Variants in TENM4 observed in about 807,000 individuals in gnomAD.
The protein encoded by TENM4 is teneurin transmembrane protein 4, also known as teneurin-4.
In TENM4, 82 loss-of-function variants were observed where a neutral mutation model predicts 243.3. The observed-to-expected ratio is 0.34, with a 90% CI of 0.28 to 0.40. The LOEUF is 0.40. TENM4 is among the 10% of genes least tolerant of loss of function. The probability of loss-of-function intolerance (pLI) is 1.00; values close to 1 mark genes in which losing one functional copy is unlikely to be tolerated. For synonymous variants in TENM4, 1,412 were observed against 1,456.3 expected, an observed-to-expected ratio of 0.97 and a Z score of 0.69; for missense variants, 3,138 against 3,673.3, an observed-to-expected ratio of 0.85 and a Z score of 3.77.
intron 16 of TENM4, among the ~76,000 whole-genome samples, chr11:78,781,782 T>C (rs1856843133): frequency 1.3e-5 from 2 of 152,160 alleles, no homozygotes; most frequent in African/African-American, 4.8e-5. Context: ...TTCTTTCGGA[T>C]GGGTGACAAA....
intron 18 of TENM4, among the ~76,000 whole-genome samples, chr11:78,767,901 C>T (rs1485056625): frequency 6.6e-6 from 1 of 152,212 alleles, no homozygotes; most frequent in East Asian, 1.9e-4. Flanking sequence ...AAGACTGGGC[C>T]ATGTTCACTG....
rs567965238 is a variant in TENM4, at chr11:78,760,728, A to G, written c.2540-3707T>C. On this transcript the variant is annotated intron_variant, in intron 18 of 33. Transcript: ENST00000278550. ...AATATCCTCCTCTCCCTTTCTCTCT[A>G]GTCTTCAGGAAATTAACTACTAAAT... 3.3e-5 allele frequency among the ~76,000 whole-genome samples: 5 copies of G among 152,270 alleles called. No individual in the cohort carries two copies. The South Asian group carries it at 1.0e-3, about 32-fold the overall frequency.
intron 2 of TENM4, among the ~76,000 whole-genome samples, chr11:79,285,098 C>T (rs960397447): frequency 6.6e-6 from 1 of 151,956 alleles, no homozygotes; most frequent in Non-Finnish European, 1.5e-5. Context: ...ATTAGCTGGG[C>T]ATGGTGGTGG....
chr11:79,299,099 T>C (rs572707877), intron 1 of TENM4, among the ~76,000 whole-genome samples: 27 of 148,832 alleles, frequency 1.8e-4, no homozygotes, highest in Middle Eastern at 3.4e-3. Flanking sequence ...CACACACACA[T>C]ACATACACAC....
intron 6 of TENM4, among the ~76,000 whole-genome samples, chr11:78,963,016 AT>A (rs1378889127): frequency 3.3e-5 from 5 of 152,214 alleles, no homozygotes; most frequent in African/African-American, 1.2e-4. Flanking sequence ...CCCTTAGGAA[AT>A]TTTGTTCATG....
At chr11:79,138,408 AAAATATATATTATATTATATAT>A (rs1451896146) in intron 4 of TENM4, among the ~76,000 whole-genome samples, 2 of 116,794 alleles carry the variant, frequency 1.7e-5, no homozygotes, top group African/African-American at 6.9e-5. Context: ...ATATATAAAT[AAAATATATATTATATTATATAT>A]AAATATATAT....
intron 3 of TENM4, among the ~76,000 whole-genome samples, chr11:79,194,174 C>A (rs898210388): frequency 6.6e-6 from 1 of 151,954 alleles, no homozygotes; most frequent in African/African-American, 2.4e-5. Flanking sequence ...CCTTTTGCCT[C>A]CCACCATGAT....
At chr11:78,965,715 C>T (rs922836124) in intron 6 of TENM4, among the ~76,000 whole-genome samples, 13 of 152,224 alleles carry the variant, frequency 8.5e-5, no homozygotes, top group Non-Finnish European at 1.9e-4. Context: ...ATTCCCTGGT[C>T]TCTCCTCTGG....
rs771901691 is a variant in TENM4, at chr11:78,889,918, G to A, written c.951C>T (p.Pro317=). ...GCCGGGCGAAGGTGCTGCGGGGCAGGGGTCGGGGCGGAGGAGAGTACACTG... is the reference window on the plus strand; with the variant it reads ...GCCGGGCGAAGGTGCTGCGGGGCAGAGGTCGGGGCGGAGGAGAGTACACTG... The part of the protein sequence containing the change: ...SSTVYSPPPR[P]LPRSTFARPA... The change falls in exon 9 of 34, where the codon CCC becomes CCT. Residue 317 remains proline (P), a synonymous_variant. Coordinates refer to ENST00000278550, the MANE Select transcript of TENM4 (RefSeq NM_001098816.3). 3 of 1,551,746 alleles carry A rather than the reference G, an allele frequency of 1.9e-6. No individual in the cohort carries two copies. The South Asian group carries it at 3.6e-5, about 18-fold the overall frequency.
chr11:79,195,226 G>A (rs1344375107), intron 3 of TENM4, among the ~76,000 whole-genome samples: 1 of 152,234 alleles, frequency 6.6e-6, no homozygotes, highest in East Asian at 1.9e-4. Flanking sequence ...GGGCTTTCAT[G>A]GAGAACCTCT....
At chr11:79,362,697 C>A (rs948405677) in intron 1 of TENM4, among the ~76,000 whole-genome samples, 3 of 152,154 alleles carry the variant, frequency 2.0e-5, no homozygotes, top group Non-Finnish European at 4.4e-5. Flanking sequence ...AGGTTCAAGT[C>A]CTATTCTACT....
rs145116361 is a variant in TENM4 at position 78,673,748 on chromosome 11, C to T, written c.5497-1419G>A. On this transcript the variant is annotated intron_variant, in intron 30 of 33. Coordinates refer to ENST00000278550, the MANE Select transcript of TENM4 (RefSeq NM_001098816.3). ...TTTCCATTAAATGACAGCAAACGAT[C>T]GTGGTCATATCCCAGGAAGGAGAGA... 7.3e-3 allele frequency among the ~76,000 whole-genome samples: 1,105 copies of T among 152,332 alleles called. 15 individuals carry two copies. The highest frequency in any genetic ancestry group is 0.026 in the African/African-American group (1,066 of 41,578).
chr11:79,039,053 G>A (rs762547930), intron 6 of TENM4, among the ~76,000 whole-genome samples: 1 of 152,198 alleles, frequency 6.6e-6, no homozygotes, highest in Admixed American at 6.5e-5. Context: ...GGTGGTAGGG[G>A]CTTGTGTTGG....
At chr11:79,427,895 T>G (rs1375931955) in intron 1 of TENM4, among the ~76,000 whole-genome samples, 1 of 152,176 alleles carries the variant, frequency 6.6e-6, no homozygotes, top group African/African-American at 2.4e-5. Context: ...TAATGGCCAC[T>G]ATTTACTCTG....
In TENM4 at chr11:78,664,965, A is replaced by G. The variant is rs1015680332; in HGVS notation, c.7409-3374T>C. On this transcript the variant is annotated intron_variant, in intron 32 of 33. Coordinates refer to ENST00000278550, the MANE Select transcript of TENM4 (RefSeq NM_001098816.3). Reference sequence around the variant, plus strand: ...AAAAATGCTGAAAATGAATTTATTCATAAGTTTTTCTTCAGTGCTCCTCTG... The same window carrying G: ...AAAAATGCTGAAAATGAATTTATTCGTAAGTTTTTCTTCAGTGCTCCTCTG... Among the ~76,000 whole-genome samples, 4 of 152,342 alleles carry G rather than the reference A, an allele frequency of 2.6e-5. No individual in the cohort carries two copies. The East Asian group carries it at 7.7e-4, about 29-fold the overall frequency.
At chr11:78,823,302 G>A (rs1011235082) in intron 12 of TENM4, among the ~76,000 whole-genome samples, 3 of 152,144 alleles carry the variant, frequency 2.0e-5, no homozygotes, top group Non-Finnish European at 4.4e-5. Context: ...ACAACACCTC[G>A]CCCCGTTCCC....
At chr11:79,136,539 A>G (rs142958469) in intron 4 of TENM4, among the ~76,000 whole-genome samples, 1,606 of 152,258 alleles carry the variant, frequency 0.011, 24 homozygotes, top group African/African-American at 0.035. Context: ...CTGAGCTCTC[A>G]ATATGGCACC....
intron 3 of TENM4, among the ~76,000 whole-genome samples, chr11:79,213,627 G>A (rs1863992993): frequency 6.6e-6 from 1 of 152,222 alleles, no homozygotes. Context: ...ATGTGGGGAT[G>A]AGCAGCCAAG....
intron 6 of TENM4, among the ~76,000 whole-genome samples, chr11:78,962,826 C>T (rs1048049595): frequency 1.4e-4 from 21 of 152,184 alleles, no homozygotes; most frequent in African/African-American, 4.1e-4. Context: ...GATTTTATTC[C>T]GACCTGCCTG....
Sources: gnomAD v4.1 joint callset for allele counts (sites outside exome capture counted in the v4.1 genomes callset) on GRCh38, gnomAD v4.1.1 for gene constraint, MANE v1.5 for transcripts, NCBI Gene and HGNC (gene_info 2026-07-23, HGNC 2026-07-21) for gene names.